Variants in CLSPN observed in about 807,000 individuals in gnomAD.
CLSPN encodes the protein claspin homolog.
Under a neutral mutation model 156.3 loss-of-function variants are expected in CLSPN, and 85 were observed. The observed-to-expected ratio is 0.54, with a 90% confidence interval of 0.46 to 0.65. CLSPN has a LOEUF of 0.65. Among genes scored for constraint, CLSPN ranks in the 30% least tolerant of loss-of-function variants. The pLI is 0.00. For missense variants in CLSPN, 1,407 were observed against 1,554.9 expected (o/e 0.90, Z 1.60); for synonymous variants, 534 against 542.4 (o/e 0.98, Z 0.22).
At position 35,732,933 on chromosome 1, in the gene CLSPN, C is replaced by T. The variant is rs373776338; in HGVS notation, c.*3563G>A. ...GTTTTCTTTCTCCAAAGAGTGCTTT[C>T]TCCCAGGAGCCTCAATCAGAAACCA... On this transcript the variant is annotated 3_prime_UTR_variant, in exon 25 of 25. Coordinates refer to ENST00000318121, the MANE Select transcript of CLSPN (RefSeq NM_022111.4). 42 of 985,334 alleles carry T rather than the reference C, an allele frequency of 4.3e-5. No individual in the cohort carries two copies. In the African/African-American group the frequency reaches 7.0e-4, roughly 16 times the overall value. The allele number at this position is 985,334 out of a possible 1,614,324, so 61.0% of individuals were successfully genotyped here.
chr1:35,726,911 A>G (rs1173824823), intron 24 of CLSPN, among the ~76,000 whole-genome samples: 1 of 152,080 alleles, frequency 6.6e-6, no homozygotes, highest in Non-Finnish European at 1.5e-5. Flanking sequence ...GAGGGTGAAC[A>G]CCCTAAGGGA....
At position 35,725,381 on chromosome 1, in the gene CLSPN, C is replaced by T. The variant is rs144655586; in HGVS notation, c.3910-4401G>A. On this transcript the variant is annotated intron_variant, in intron 24 of 24. Transcript: ENST00000251195. The stretch of plus-strand genomic sequence containing the variant: ...AAGCCAAATCCAAGGTCCCAAGGCT[C>T]TTGATCATCCAGTGCCCACAACAGA... Among the ~76,000 whole-genome samples the T allele has an allele frequency of 5.8e-3, 885 of 152,308 alleles. 6 individuals are homozygous for T. Among genetic ancestry groups the T allele is most frequent in the Admixed American group, 0.01 (157 of 15,296 alleles).
Position 35,763,337 on chromosome 1 carries a change from AC to A in CLSPN, c.583-17del. 3.2e-6 allele frequency: 5 copies of A among 1,550,118 alleles called. No homozygotes were observed. Among genetic ancestry groups the A allele is most frequent in the Non-Finnish European group, 4.3e-6 (5 of 1,155,364 alleles). On this transcript the variant is annotated splice_polypyrimidine_tract_variant and intron_variant, in intron 3 of 24. Coordinates refer to ENST00000318121, the MANE Select transcript of CLSPN (RefSeq NM_022111.4). ...CATCATCTTCCTAAGTAATACATAA[AC>A]AAAAAGCATAATCCAATCATTTAAA...
chr1:35,728,870 A>C (rs535830465), downstream of CLSPN, among the ~76,000 whole-genome samples: 12 of 150,014 alleles, frequency 8.0e-5, no homozygotes, highest in East Asian at 2.4e-3. Context: ...GTCATGGAAC[A>C]ATTTCTGGGT....
intron 17 of CLSPN, 71 bp from the exon 18 acceptor site, chr1:35,743,312 C>T: frequency 1.4e-6 from 2 of 1,404,378 alleles, no homozygotes; most frequent in Non-Finnish European, 2.0e-6. Flanking sequence ...GATTTATAAA[C>T]ATCTGCCCAA....
chr1:35,739,081 G>C, intron 20 of CLSPN, 55 bp downstream of exon 20: 1 of 1,607,106 alleles, frequency 6.2e-7, no homozygotes, highest in Non-Finnish European at 8.5e-7. Flanking sequence ...TTACAGGCGT[G>C]AGCCACCATG....
chr1:35,764,226 A>T, intron 3 of CLSPN, 40 bp downstream of exon 3: 1 of 1,312,930 alleles, frequency 7.6e-7, no homozygotes, highest in Non-Finnish European at 1.0e-6. Flanking sequence ...CTAAAATGTT[A>T]ACCTACCCAA....
intron 8 of CLSPN, among the ~76,000 whole-genome samples, chr1:35,759,812 T>C (rs1642408993): frequency 6.6e-6 from 1 of 151,422 alleles, no homozygotes; most frequent in Non-Finnish European, 1.5e-5. Context: ...CTCTTTTTTA[T>C]ATTAACTATC....
Position 35,746,641 on chromosome 1 carries a change from A to G in CLSPN, c.2854+125T>C. On this transcript the variant is annotated intron_variant, in intron 15 of 24. Coordinates refer to ENST00000318121, the MANE Select transcript of CLSPN (RefSeq NM_022111.4). The surrounding 1 kb of genome is among the most constrained non-coding windows in gnomAD (Gnocchi z 4.2). ...TCAAACTTCTGAGCTCAAGCGATCCATCCAACTTAGCCTCCCAAAGTTCTA... is the reference window on the plus strand; with the variant it reads ...TCAAACTTCTGAGCTCAAGCGATCCGTCCAACTTAGCCTCCCAAAGTTCTA... 1.5e-6 allele frequency: 1 copy of G among 657,782 alleles called. No individual in the cohort carries two copies. The highest frequency in any genetic ancestry group is 2.7e-6 in the Non-Finnish European group (1 of 372,156). The allele number at this position is 657,782 out of a possible 1,614,324, so 40.7% of individuals were successfully genotyped here.
chr1:35,764,774 A>T, intron 2 of CLSPN, 60 bp from the exon 3 acceptor site: 1 of 1,056,168 alleles, frequency 9.5e-7, no homozygotes, highest in Non-Finnish European at 1.3e-6. Context: ...TAGTCCCACT[A>T]CTCCTCAAAA....
rs573333270 is a variant in CLSPN at position 35,733,415 on chromosome 1, A to C, written c.*3081T>G. On this transcript the variant is annotated 3_prime_UTR_variant, in exon 25 of 25. Coordinates refer to ENST00000318121, the MANE Select transcript of CLSPN (RefSeq NM_022111.4). ...AGCAATGCACCCACCTCAGTCTCCT[A>C]AAGTGCTGGCGTGAGCCACCGGACC... 2.1e-6 allele frequency: 2 copies of C among 963,234 alleles called. No homozygotes were observed. The highest frequency in any genetic ancestry group is 1.2e-6 in the Non-Finnish European group (1 of 813,246). 59.7% of individuals were successfully genotyped at this position (963,234 alleles called of 1,614,324 possible). A position where few individuals can be genotyped will look rare whatever the true frequency, so the allele number is the denominator to read the frequency against.
intron 2 of CLSPN, 138 bp from the exon 3 acceptor site, chr1:35,764,852 G>A (rs1458665472): frequency 5.4e-6 from 3 of 556,796 alleles, no homozygotes; most frequent in Non-Finnish European, 8.9e-6. Context: ...ACTGATTGTA[G>A]CAAAGCAAAT....
At chr1:35,738,209 G>A (rs1641549156) in intron 21 of CLSPN, 112 bp from the exon 22 acceptor site, 1 of 641,322 alleles carries the variant, frequency 1.6e-6, no homozygotes, top group Non-Finnish European at 2.4e-6. Flanking sequence ...GAGTTCCTGG[G>A]GTATTTGTTT....
rs1021632345 is a variant in CLSPN at position 35,733,316 on chromosome 1, T to C, written c.*3180A>G. On this transcript the variant is annotated 3_prime_UTR_variant, in exon 25 of 25. Coordinates refer to ENST00000318121, the MANE Select transcript of CLSPN (RefSeq NM_022111.4). ...TTCTCAGGCACTAATTTTCTTTTTTTTTTCTTTTTTTTTTTTTTTTTAGAG... is the reference window on the plus strand; with the variant it reads ...TTCTCAGGCACTAATTTTCTTTTTTCTTTCTTTTTTTTTTTTTTTTTAGAG... The C allele has an allele frequency of 4.2e-5, 9 of 215,676 alleles. No homozygotes were observed. Among genetic ancestry groups the C allele is most frequent in the South Asian group, 2.1e-4 (1 of 4,686 alleles). 13.4% of individuals were successfully genotyped at this position (215,676 alleles called of 1,614,324 possible).
rs532323660 is a variant in CLSPN, at chr1:35,753,753, G to A, written c.1763C>T (p.Thr588Ile). The change falls in exon 9 of 25, where the codon ACA (threonine) becomes ATA (isoleucine). Residue 588 changes from threonine (T) to isoleucine (I), a missense_variant. By Grantham distance (89) the Thr-to-Ile change is moderately conservative. Around this residue, in one of 3 missense-constraint regions of CLSPN, gnomAD observed 1,096 missense variants for 1,193.0 expected, o/e 0.92. Transcript: ENST00000318121. ...APKKLDGASH[T>I]KPGEKLQVLK... The stretch of plus-strand genomic sequence containing the variant: ...CCTGTGGGCTCAAATACCTGGTTTT[G>A]TGTGGCTTGCTCCATCCAACTTCTT... 212 of 1,614,076 alleles carry A rather than the reference G, an allele frequency of 1.3e-4. 1 individual carries two copies. In the South Asian group the frequency reaches 2.3e-3, roughly 17 times the overall value.
rs772109718 is a variant in CLSPN at position 35,745,602 on chromosome 1, A to T, written c.2855-40T>A. 7 of 1,363,298 alleles carry T rather than the reference A, an allele frequency of 5.1e-6. No individual in the cohort carries two copies. In the Admixed American group the frequency reaches 1.2e-4, roughly 23 times the overall value. 84.5% of individuals were successfully genotyped at this position (1,363,298 alleles called of 1,614,324 possible). Reference sequence around the variant, plus strand: ...GGAAAAGATGTGTCACCAAGGAATGATAGCTTTATACTCTTTTCCCAGCCA... The same window carrying T: ...GGAAAAGATGTGTCACCAAGGAATGTTAGCTTTATACTCTTTTCCCAGCCA... On this transcript the variant is annotated intron_variant, in intron 15 of 24. Coordinates refer to ENST00000318121, the MANE Select transcript of CLSPN (RefSeq NM_022111.4).
chr1:35,726,174 A>AAAAAAAAAAAAAC (rs1449196976), intron 24 of CLSPN, among the ~76,000 whole-genome samples: 2 of 150,852 alleles, frequency 1.3e-5, no homozygotes, highest in Non-Finnish European at 3.0e-5. Context: ...AAAAAAAAAA[A>AAAAAAAAAAAAAC]AGCGCATAGC....
At chr1:35,730,208 C>A (rs6661867), downstream of CLSPN, among the ~76,000 whole-genome samples, 24,777 of 152,040 alleles carry the variant, frequency 0.16, 3,336 homozygotes, top group East Asian at 0.7. Context: ...CAAGCCTCAA[C>A]GAACATTAAA....
intron 1 of CLSPN, among the ~76,000 whole-genome samples, chr1:35,767,620 C>T (rs977577818): frequency 1.3e-5 from 2 of 152,126 alleles, no homozygotes; most frequent in African/African-American, 2.4e-5. Flanking sequence ...TATAAAATTA[C>T]CTTCAGACTA....
Sources: gnomAD v4.1 joint callset for allele counts (sites outside exome capture counted in the v4.1 genomes callset) on GRCh38, gnomAD v4.1.1 for gene constraint, gnomAD v4.1.1 regional missense constraint, Gnocchi (gnomAD v3.1) non-coding constraint, MANE v1.5 for transcripts, NCBI Gene and HGNC (gene_info 2026-07-23, HGNC 2026-07-21) for gene names.